Variants in DOP1A observed in about 807,000 individuals in gnomAD.
DOP1A encodes the protein protein DOP1A.
Under a neutral mutation model 267.6 loss-of-function variants are expected in DOP1A, and 90 were observed. That is an observed-to-expected ratio of 0.34 (90% CI 0.28 to 0.40). DOP1A has a LOEUF of 0.40. DOP1A is among the 10% of genes least tolerant of loss of function. The probability of loss-of-function intolerance (pLI) is 1.00; values close to 1 mark genes in which losing one functional copy is unlikely to be tolerated. For synonymous variants in DOP1A, 932 were observed against 999.1 expected (o/e 0.93, Z 1.27); for missense variants, 2,437 against 2,900.4 (o/e 0.84, Z 3.67).
intron 38 of DOP1A, chr6:83,166,346 T>TC (rs1785576754): frequency 1.4e-6 from 1 of 691,838 alleles, no homozygotes; most frequent in African/African-American, 1.8e-5. Flanking sequence ...GCACTCCTCA[T>TC]CTTCAAGGCT....
At chr6:83,080,068 GTTCT>G (rs1767819679) in intron 1 of DOP1A, among the ~76,000 whole-genome samples, 1 of 151,668 alleles carries the variant, frequency 6.6e-6, no homozygotes, top group African/African-American at 2.4e-5. Context: ...TAATTTAGAT[GTTCT>G]TTAAGTGTAC....
intron 3 of DOP1A, among the ~76,000 whole-genome samples, chr6:83,099,064 G>A (rs1005300172): frequency 6.6e-6 from 1 of 152,040 alleles, no homozygotes; most frequent in Admixed American, 6.6e-5. Flanking sequence ...TGAGAAGAGG[G>A]CAGGAAAAGT....
At chr6:83,170,535 C>T (rs1199640773), downstream of DOP1A, 1 of 1,376,236 alleles carries the variant, frequency 7.3e-7, no homozygotes, top group East Asian at 2.3e-5. Flanking sequence ...AGAAGCTTAA[C>T]CTGTTAAACA....
chr6:83,140,434 T>C, intron 23 of DOP1A, 31 bp downstream of exon 23: 6 of 1,531,876 alleles, frequency 3.9e-6, no homozygotes, highest in Non-Finnish European at 5.3e-6. Context: ...TCTGTAGAGC[T>C]CAAGAGTCTG....
intron 38 of DOP1A, among the ~76,000 whole-genome samples, chr6:83,164,496 TAATA>T (rs1213095318): frequency 6.6e-6 from 1 of 152,080 alleles, no homozygotes; most frequent in African/African-American, 2.4e-5. Context: ...TTTATCTAAA[TAATA>T]AATATGACAG....
chr6:83,156,166 C>T (rs538999267), intron 34 of DOP1A, 63 bp downstream of exon 34: 13 of 1,367,312 alleles, frequency 9.5e-6, no homozygotes, highest in South Asian at 1.4e-5. Flanking sequence ...TTAGAAAATA[C>T]TTCTCTAAAT....
intron 1 of DOP1A, among the ~76,000 whole-genome samples, chr6:83,080,718 G>A (rs1318587965): frequency 6.6e-6 from 1 of 152,092 alleles, no homozygotes; most frequent in Admixed American, 6.5e-5. Flanking sequence ...TTATTTTCTA[G>A]GGAGGAATAG....
In DOP1A at chr6:83,168,024, T is replaced by A. The variant is rs1405136736; in HGVS notation, c.7255T>A (p.Ser2419Thr). The change falls in exon 39 of 39, where the codon TCA becomes ACA. Residue 2419 changes from serine (S) to threonine (T), a missense_variant. This residue lies in a region of DOP1A where 197 missense variants were observed against 246.5 expected (regional missense o/e 0.80). Transcript: ENST00000349129. ...AGTCACAAGCCGATGTGGAGGACAC[T>A]CAGGGAGTCCTATCCTCTACTCAAA... is the stretch of plus-strand genomic sequence containing the variant. ...SKVTSRCGGH[S>T]GSPILYSNAF... 1 of 1,614,122 alleles carries A rather than the reference T, an allele frequency of 6.2e-7. No individual in the cohort carries two copies. Among genetic ancestry groups the A allele is most frequent in the Admixed American group, 1.7e-5 (1 of 60,006 alleles).
chr6:83,145,749 A>C (rs1271074675), intron 25 of DOP1A, 91 bp downstream of exon 25: 1 of 1,270,646 alleles, frequency 7.9e-7, no homozygotes, highest in South Asian at 1.4e-5. Context: ...TGTCCTTTCA[A>C]TATAGTACAG....
At chr6:83,097,831 C>T (rs1044270913) in intron 3 of DOP1A, among the ~76,000 whole-genome samples, 10 of 151,242 alleles carry the variant, frequency 6.6e-5, no homozygotes, top group African/African-American at 2.4e-4. Context: ...AGTGGCCTTC[C>T]AATAACTTAT....
intron 20 of DOP1A, 80 bp from the exon 21 acceptor site, chr6:83,137,093 G>T: frequency 8.0e-7 from 1 of 1,256,304 alleles, no homozygotes; most frequent in South Asian, 2.2e-5. Flanking sequence ...TAAAAATTTT[G>T]ATCAGTCTAC....
At chr6:83,114,573 A>G (rs540594805) in intron 7 of DOP1A, among the ~76,000 whole-genome samples, 1 of 152,164 alleles carries the variant, frequency 6.6e-6, no homozygotes, top group African/African-American at 2.4e-5. Context: ...TTTCCTCTTG[A>G]ACTTTTCCCA....
At chr6:83,109,772 A>T (rs1774234141) in intron 5 of DOP1A, among the ~76,000 whole-genome samples, 1 of 152,190 alleles carries the variant, frequency 6.6e-6, no homozygotes. Context: ...AAAAAACTAA[A>T]ATGTATATGG....
At chr6:83,119,053 A>G (rs1775919802) in intron 8 of DOP1A, 66 bp downstream of exon 8, 1 of 1,386,602 alleles carries the variant, frequency 7.2e-7, no homozygotes, top group African/African-American at 1.4e-5. Flanking sequence ...ATGTATAAGT[A>G]TTACCAAGTT....
At position 83,079,619 on chromosome 6, in the gene DOP1A, A is replaced by G. The variant is rs549137658; in HGVS notation, c.-147+11840A>G. 2.0e-4 allele frequency among the ~76,000 whole-genome samples: 31 copies of G among 152,300 alleles called. No homozygotes were observed. The Middle Eastern group carries it at 0.01, about 50-fold the overall frequency. Reference sequence around the variant, plus strand: ...TAAATGCTGAAAACGTTAAATTACTAATTTTTAAATATATTGGTTAGATTT... The same window carrying G: ...TAAATGCTGAAAACGTTAAATTACTGATTTTTAAATATATTGGTTAGATTT... On this transcript the variant is annotated intron_variant, in intron 1 of 38. Transcript: ENST00000349129.
intron 38 of DOP1A, chr6:83,164,751 G>T: frequency 6.4e-7 from 1 of 1,555,438 alleles, no homozygotes; most frequent in Admixed American, 2.0e-5. Context: ...TTATGATATG[G>T]CAGCAAAAGT....
rs760385259 is a variant in DOP1A at position 83,130,165 on chromosome 6, T to C, written c.2384T>C (p.Met795Thr). 1.9e-6 allele frequency: 3 copies of C among 1,613,984 alleles called. No homozygotes were observed. The highest frequency in any genetic ancestry group is 1.7e-5 in the Admixed American group (1 of 59,998). Residue 795 changes from methionine (M) to threonine (T), a missense_variant, in exon 17 of 39, where the codon ATG becomes ACG. Around this residue, in one of 9 missense-constraint regions of DOP1A, gnomAD observed 878 missense variants for 992.9 expected, o/e 0.88. Transcript: ENST00000349129. ...CCTCCACAGTGGCTCCAGACTCTGA[T>C]GAATGCTTGCAGCCAAGCAAGTGAT... ...VQPPQWLQTLMNACSQASDFS... is the reference protein window; with the variant it reads ...VQPPQWLQTLTNACSQASDFS...
intron 1 of DOP1A, among the ~76,000 whole-genome samples, chr6:83,069,886 GA>G (rs1424011139): frequency 6.6e-6 from 1 of 152,146 alleles, no homozygotes; most frequent in African/African-American, 2.4e-5. Context: ...TTCCTAAAAT[GA>G]AATTATGGTA....
intron 1 of DOP1A, among the ~76,000 whole-genome samples, chr6:83,078,850 A>G (rs1011841903): frequency 1.3e-5 from 2 of 152,154 alleles, no homozygotes; most frequent in Non-Finnish European, 2.9e-5. Context: ...TCTAGAGTTA[A>G]TTCTCTCTTA....
Sources: allele counts gnomAD v4.1 joint callset (sites outside exome capture counted in the v4.1 genomes callset), GRCh38; gene constraint gnomAD v4.1.1; regional missense constraint gnomAD v4.1.1; transcripts MANE v1.5; gene names NCBI Gene and HGNC (gene_info 2026-07-23, HGNC 2026-07-21).